The following MLIP variants were observed in gnomAD, a reference collection of about 807,000 sequenced individuals.
MLIP encodes muscular LMNA-interacting protein.
A neutral mutation model predicts 84.8 loss-of-function variants in MLIP; 79 were observed. That is an observed-to-expected ratio of 0.93 (90% CI 0.78 to 1.12). The LOEUF (loss-of-function observed/expected upper bound fraction) is 1.12. Among genes scored for constraint, MLIP ranks in the 50% most tolerant of loss-of-function variants. The pLI is 0.00. For missense variants in MLIP, 1,257 were observed against 1,160.6 expected, an observed-to-expected ratio of 1.08 and a Z score of -1.21; for synonymous variants, 504 against 463.0, an observed-to-expected ratio of 1.09 and a Z score of -1.14.
At chr6:54,175,840 C>T (rs1776227231) in intron 9 of MLIP, among the ~76,000 whole-genome samples, 1 of 151,850 alleles carries the variant, frequency 6.6e-6, no homozygotes, top group South Asian at 2.1e-4. Flanking sequence ...TCAGGTTTTC[C>T]TCATTCTGTA....
intron 13 of MLIP, among the ~76,000 whole-genome samples, chr6:54,264,919 A>G (rs1468759938): frequency 1.3e-5 from 2 of 152,056 alleles, no homozygotes; most frequent in African/African-American, 4.8e-5. Context: ...ATACTTTCTC[A>G]TAATAATGCA....
rs983003835 is a variant in MLIP, at chr6:54,172,892, A to G, written c.2544+3320A>G. ...GTTTTCTCCAGTCCGTGGTCTTCTT[A>G]AAATGCAGGCTATTTTACAATAATT... On this transcript the variant is annotated intron_variant, in intron 9 of 13. Coordinates refer to ENST00000502396, the MANE Select transcript of MLIP (RefSeq NM_001281747.2). Among the ~76,000 whole-genome samples, 5 of 151,832 alleles carry G rather than the reference A, an allele frequency of 3.3e-5. No homozygotes were observed. In the East Asian group the frequency reaches 7.8e-4, roughly 24 times the overall value.
chr6:54,153,584 A>G (rs1336373939), intron 5 of MLIP, among the ~76,000 whole-genome samples: 1 of 152,112 alleles, frequency 6.6e-6, no homozygotes, highest in Non-Finnish European at 1.5e-5. Flanking sequence ...GTGATGGCTC[A>G]TGCCTGTAAT....
intron 10 of MLIP, among the ~76,000 whole-genome samples, chr6:54,200,687 T>C (rs1414350913): frequency 6.7e-6 from 1 of 149,540 alleles, no homozygotes; most frequent in Non-Finnish European, 1.5e-5. Flanking sequence ...ATGGCATGAC[T>C]TCATGCACAA....
intron 12 of MLIP, among the ~76,000 whole-genome samples, chr6:54,238,390 C>T (rs973249042): frequency 1.3e-5 from 2 of 152,176 alleles, no homozygotes; most frequent in Non-Finnish European, 2.9e-5. Flanking sequence ...AATTCCAATT[C>T]TTCTGGCCTA....
intron 1 of MLIP, among the ~76,000 whole-genome samples, chr6:54,043,652 A>C (rs1156712003): frequency 1.3e-5 from 2 of 152,208 alleles, no homozygotes; most frequent in African/African-American, 4.8e-5. Flanking sequence ...TGTCTGGTAC[A>C]GAGATAGGAT....
intron 1 of MLIP, among the ~76,000 whole-genome samples, chr6:54,044,636 G>GTTT (rs11432361): frequency 6.9e-6 from 1 of 145,834 alleles, no homozygotes; most frequent in Non-Finnish European, 1.5e-5. Flanking sequence ...CGTGGTAGAC[G>GTTT]TTTTTTTTTT....
At chr6:54,193,098 A>G (rs1253641073) in intron 10 of MLIP, among the ~76,000 whole-genome samples, 1 of 152,176 alleles carries the variant, frequency 6.6e-6, no homozygotes, top group Non-Finnish European at 1.5e-5. Flanking sequence ...CTCTTAAAAT[A>G]TTTCCGTTGT....
intron 12 of MLIP, among the ~76,000 whole-genome samples, chr6:54,255,504 A>G (rs1170454728): frequency 1.3e-5 from 2 of 152,216 alleles, no homozygotes; most frequent in African/African-American, 4.8e-5. Context: ...AAAAAGGCAA[A>G]TCTACTGTGA....
intron 1 of MLIP, among the ~76,000 whole-genome samples, chr6:54,034,730 T>C (rs1449585744): frequency 6.6e-6 from 1 of 152,106 alleles, no homozygotes; most frequent in Non-Finnish European, 1.5e-5. Context: ...GATTAATTTA[T>C]TATTGAAGAA....
At chr6:54,023,465 G>A (rs1013184161) in intron 1 of MLIP, among the ~76,000 whole-genome samples, 12 of 151,920 alleles carry the variant, frequency 7.9e-5, no homozygotes, top group Admixed American at 2.6e-4. Context: ...ATTTGAGAGC[G>A]AAAGACTTAT....
chr6:54,027,374 TACACACACACACACACACACACACACAC>T (rs70980886), intron 1 of MLIP, among the ~76,000 whole-genome samples: 7 of 148,618 alleles, frequency 4.7e-5, no homozygotes, highest in East Asian at 4.0e-4. Flanking sequence ...ATAAAAAAAA[TACACACACACACACACACACACACACAC>T]ACACACACAC....
chr6:54,041,867 G>T (rs1367260153), intron 1 of MLIP, among the ~76,000 whole-genome samples: 1 of 152,046 alleles, frequency 6.6e-6, no homozygotes, highest in African/African-American at 2.4e-5. Context: ...ATACCTTGTA[G>T]CTAATTTAGC....
rs1010824903 is a variant in MLIP, at chr6:54,217,449, T to C, written c.2719-13265T>C. The C allele has an allele frequency of 3.0e-6, 3 of 985,270 alleles. No homozygotes were observed. In the Admixed American group the frequency reaches 1.8e-4, roughly 61 times the overall value. 61.0% of individuals were successfully genotyped at this position (985,270 alleles called of 1,614,324 possible). ...TCTAGAGCACCAAATGCATCAGATATGGCTATAACACTAATTTTCTGATGT... is the reference window on the plus strand; with the variant it reads ...TCTAGAGCACCAAATGCATCAGATACGGCTATAACACTAATTTTCTGATGT... On this transcript the variant is annotated intron_variant, in intron 11 of 13. Coordinates refer to ENST00000502396, the MANE Select transcript of MLIP (RefSeq NM_001281747.2).
At chr6:54,244,707 C>G (rs554703595) in intron 12 of MLIP, among the ~76,000 whole-genome samples, 1 of 152,264 alleles carries the variant, frequency 6.6e-6, no homozygotes, top group East Asian at 1.9e-4. Context: ...TTAAAGTGTA[C>G]TTAATTAATC....
At chr6:54,128,089 A>T (rs1771077035) in intron 3 of MLIP, among the ~76,000 whole-genome samples, 1 of 152,194 alleles carries the variant, frequency 6.6e-6, no homozygotes, top group Admixed American at 6.5e-5. Context: ...GGAAAAATTA[A>T]GCATGAATGA....
intron 1 of MLIP, among the ~76,000 whole-genome samples, chr6:54,096,565 G>A (rs1768230287): frequency 6.6e-6 from 1 of 152,092 alleles, no homozygotes; most frequent in African/African-American, 2.4e-5. Flanking sequence ...GGCTGGATAT[G>A]GGAAGCGCTT....
chr6:54,141,312 C>CTTTTTTTTTTTTTTTTT (rs376576497), intron 4 of MLIP, among the ~76,000 whole-genome samples: 1 of 128,460 alleles, frequency 7.8e-6, no homozygotes, highest in African/African-American at 3.1e-5. Flanking sequence ...CTCAGCCTGC[C>CTTTTTTTTTTTTTTTTT]TTTTTTTTTT....
At chr6:54,257,446 C>T (rs1262118245) in intron 13 of MLIP, 85 bp downstream of exon 13, 11 of 1,017,058 alleles carry the variant, frequency 1.1e-5, no homozygotes, top group Non-Finnish European at 1.6e-5. Context: ...TTAATGTTAA[C>T]AAAATTGTGC....
Sources: allele counts gnomAD v4.1 joint callset (sites outside exome capture counted in the v4.1 genomes callset), GRCh38; gene constraint gnomAD v4.1.1; transcripts MANE v1.5; gene names NCBI Gene and HGNC (gene_info 2026-07-23, HGNC 2026-07-21).